Variants in AFG1L observed in about 807,000 individuals in gnomAD.
AFG1L encodes AFG1 like ATPase.
In AFG1L, 53 loss-of-function variants were observed where a neutral mutation model predicts 62.2. That is an observed-to-expected ratio of 0.85 (90% CI 0.68 to 1.07). The LOEUF is 1.07. AFG1L is among the 50% of genes least tolerant of loss of function. The probability of loss-of-function intolerance (pLI) is 0.00; values close to 1 mark genes in which losing one functional copy is unlikely to be tolerated. For synonymous variants in AFG1L, 228 were observed against 210.3 expected, an observed-to-expected ratio of 1.08 and a Z score of -0.73; for missense variants, 555 against 590.5, an observed-to-expected ratio of 0.94 and a Z score of 0.62.
At chr6:108,452,152 C>G (rs1772082221) in intron 8 of AFG1L, among the ~76,000 whole-genome samples, 1 of 152,204 alleles carries the variant, frequency 6.6e-6, no homozygotes, top group African/African-American at 2.4e-5. Context: ...TTTGAATTGT[C>G]TGGTACTGAT....
Position 108,355,727 on chromosome 6 carries a change from T to G in AFG1L, c.489T>G (p.Phe163Leu). 1 of 1,610,616 alleles carries G rather than the reference T, an allele frequency of 6.2e-7. No homozygotes were observed. Among genetic ancestry groups the G allele is most frequent in the Non-Finnish European group, 8.5e-7 (1 of 1,178,422 alleles). Residue 163 changes from phenylalanine (F) to leucine (L), a missense_variant, in exon 4 of 13, where the codon TTT (phenylalanine) becomes TTG (leucine). Transcript: ENST00000368977. ...TGAAGAGGAAAAAACGGGTTCATTT[T>G]CATGGTTTCATGCTAGATGTGCACA... ...VEMKRKKRVH[F>L]HGFMLDVHKR...
intron 2 of AFG1L, among the ~76,000 whole-genome samples, chr6:108,331,337 G>A (rs1201696765): frequency 6.6e-6 from 1 of 152,040 alleles, no homozygotes; most frequent in Non-Finnish European, 1.5e-5. Flanking sequence ...TCATTATGGT[G>A]GACTTATTTT....
At chr6:108,331,357 A>G (rs1285085061) in intron 2 of AFG1L, among the ~76,000 whole-genome samples, 2 of 152,130 alleles carry the variant, frequency 1.3e-5, no homozygotes, top group Admixed American at 6.5e-5. Context: ...TTTTTCCCTC[A>G]TTATACTCCT....
At chr6:108,470,665 A>G (rs1323288422) in intron 8 of AFG1L, among the ~76,000 whole-genome samples, 1 of 152,234 alleles carries the variant, frequency 6.6e-6, no homozygotes, top group East Asian at 1.9e-4. Context: ...TTGTGATGCT[A>G]GGAACAGTAT....
chr6:108,384,192 T>C (rs1186875567), intron 6 of AFG1L, among the ~76,000 whole-genome samples: 1 of 152,202 alleles, frequency 6.6e-6, no homozygotes, highest in African/African-American at 2.4e-5. Context: ...GCTGCATTGA[T>C]ACCTGCTATT....
At chr6:108,457,616 A>G (rs1285609909) in intron 8 of AFG1L, among the ~76,000 whole-genome samples, 4 of 152,048 alleles carry the variant, frequency 2.6e-5, no homozygotes, top group South Asian at 2.1e-4. Context: ...TAAACAGTCA[A>G]TAATCCTTTA....
intron 8 of AFG1L, among the ~76,000 whole-genome samples, chr6:108,451,488 C>T (rs1481545597): frequency 2.6e-4 from 40 of 152,122 alleles, no homozygotes; most frequent in African/African-American, 2.4e-5. Context: ...ATTTAGGAAT[C>T]CTAGAGTACC....
At chr6:108,465,656 ACTG>A (rs10574143) in intron 8 of AFG1L, among the ~76,000 whole-genome samples, 100,671 of 150,672 alleles carry the variant, frequency 0.67, 35,242 homozygotes, top group African/African-American at 0.9. Flanking sequence ...TCATAGAGTC[ACTG>A]CTGCTGCTGC....
intron 6 of AFG1L, 92 bp from the exon 7 acceptor site, chr6:108,401,904 A>G (rs1781635400): frequency 1.7e-6 from 1 of 592,746 alleles, no homozygotes; most frequent in South Asian, 2.2e-5. Flanking sequence ...CTTTTTTTTT[A>G]ATCAGTAGAA....
At chr6:108,314,491 G>C (rs1777519979) in intron 1 of AFG1L, among the ~76,000 whole-genome samples, 1 of 151,484 alleles carries the variant, frequency 6.6e-6, no homozygotes, top group African/African-American at 2.4e-5. Context: ...CCACCTCCCA[G>C]GTTCAAGCAG....
At chr6:108,296,244 C>T (rs2114806957) in intron 1 of AFG1L, among the ~76,000 whole-genome samples, 1 of 152,230 alleles carries the variant, frequency 6.6e-6, no homozygotes, top group East Asian at 1.9e-4. Flanking sequence ...CACACACTGC[C>T]TGGGGGTAGC....
chr6:108,460,690 G>T (rs1346759889), intron 8 of AFG1L, among the ~76,000 whole-genome samples: 6 of 152,140 alleles, frequency 3.9e-5, no homozygotes, highest in Non-Finnish European at 8.8e-5. Context: ...AGGCGTGGTG[G>T]CTCACGCCTG....
At chr6:108,392,318 ATGC>A (rs1036326488) in intron 6 of AFG1L, 37 of 152,192 alleles carry the variant, frequency 2.4e-4, no homozygotes, top group African/African-American at 8.4e-4. Flanking sequence ...TCTTTGTTTC[ATGC>A]ACAAAATTAT....
At chr6:108,460,889 G>A (rs921508257) in intron 8 of AFG1L, among the ~76,000 whole-genome samples, 7 of 152,060 alleles carry the variant, frequency 4.6e-5, no homozygotes, top group South Asian at 2.1e-4. Context: ...CCTGGAAGGC[G>A]GAGCTTGCAG....
At chr6:108,363,880 T>C (rs1031440304) in intron 5 of AFG1L, among the ~76,000 whole-genome samples, 3 of 152,216 alleles carry the variant, frequency 2.0e-5, no homozygotes, top group Non-Finnish European at 4.4e-5. Context: ...TTACTGATAA[T>C]GCATGCTTAT....
intron 6 of AFG1L, among the ~76,000 whole-genome samples, chr6:108,368,609 G>A (rs1193403528): frequency 1.3e-5 from 2 of 152,170 alleles, no homozygotes; most frequent in South Asian, 2.1e-4. Flanking sequence ...TTCTATCTAG[G>A]TGGAAGTGAA....
intron 8 of AFG1L, among the ~76,000 whole-genome samples, chr6:108,448,540 T>C (rs1026882243): frequency 1.3e-5 from 2 of 152,122 alleles, no homozygotes; most frequent in African/African-American, 4.8e-5. Flanking sequence ...ATTTTCCTGA[T>C]GGGGAGTTCC....
chr6:108,330,181 TA>T lies in AFG1L; in HGVS notation c.363+6134del, dbSNP rs1383706471. Among the ~76,000 whole-genome samples, 459 of 80,864 alleles carry T rather than the reference TA, an allele frequency of 5.7e-3. 3 individuals carry two copies. Among genetic ancestry groups the T allele is most frequent in the Non-Finnish European group, 0.01 (280 of 27,438 alleles). 53.0% of individuals were successfully genotyped at this position (80,864 alleles called of 152,430 possible). A position where few individuals can be genotyped will look rare whatever the true frequency, so the allele number is the denominator to read the frequency against. ...CACTGTAAGAAATAAATTCCTTTTT[TA>T]TTTTTTTTTTTTTTTTGCGACTGAG... On this transcript the variant is annotated intron_variant, in intron 2 of 12. Coordinates refer to ENST00000368977, the MANE Select transcript of AFG1L (RefSeq NM_145315.5).
At chr6:108,338,244 T>C (rs560039993) in intron 2 of AFG1L, among the ~76,000 whole-genome samples, 11 of 152,350 alleles carry the variant, frequency 7.2e-5, no homozygotes, top group African/African-American at 2.6e-4. Flanking sequence ...ATTTCCATTT[T>C]GGCTCTGACA....
Sources: gnomAD v4.1 joint callset for allele counts (sites outside exome capture counted in the v4.1 genomes callset) on GRCh38, gnomAD v4.1.1 for gene constraint, MANE v1.5 for transcripts, NCBI Gene and HGNC (gene_info 2026-07-23, HGNC 2026-07-21) for gene names.